TTN: variants seen among roughly 807,000 people sequenced by gnomAD.
TTN encodes titin, also known as connectin.
A neutral mutation model predicts 3,223.0 loss-of-function variants in TTN; 1,525 were observed. That is an observed-to-expected ratio of 0.47 (90% CI 0.45 to 0.49). TTN has a LOEUF of 0.49. TTN is among the 20% of genes least tolerant of loss of function. TTN has a pLI of 0.00. For synonymous variants in TTN, 14,094 were observed against 15,161.0 expected (o/e 0.93, Z 5.17); for missense variants, 40,786 against 43,424.0 (o/e 0.94, Z 5.40).
chr2:178,749,021 A>C (rs746761455), intron 47 of TTN: 1 of 1,612,572 alleles, frequency 6.2e-7, no homozygotes. Flanking sequence ...AAATTCGATA[A>C]TTCTATGCTT....
At chr2:178,779,485 G>A (rs533423265) in intron 22 of TTN, 23 bp from the exon 23 acceptor site, 6 of 1,361,872 alleles carry the variant, frequency 4.4e-6, no homozygotes, top group African/African-American at 4.3e-5. Flanking sequence ...ATTATGGTCT[G>A]TTAAAAATAC....
Position 178,653,277 on chromosome 2 carries a change from A to G in TTN, c.38752T>C (p.Leu12918=), listed in dbSNP as rs762759187. 1.2e-6 allele frequency: 2 copies of G among 1,611,414 alleles called. No homozygotes were observed. The highest frequency in any genetic ancestry group is 4.5e-5 in the East Asian group (2 of 44,738). Residue 12918 remains leucine (L), a synonymous_variant, in exon 198 of 363, where the codon TTG becomes CTG. Coordinates refer to ENST00000589042, the MANE Select transcript of TTN (RefSeq NM_001267550.2). ...KEVVLEKKVP[L]APPKKPEVPP... ...ACTTCAGGCTTTTTAGGAGGAGCCA[A>G]GGGCACTTTCTTTTCAAGGACAACT...
Position 178,775,620 on chromosome 2 carries a change from C to T in TTN, c.6244G>A (p.Glu2082Lys), listed in dbSNP as rs750064248. ...SPSMEAPKIFERIQSQTVGQG... is the reference protein window; with the variant it reads ...SPSMEAPKIFKRIQSQTVGQG... ...CCCACTGTTTGGCTCTGGATTCTTT[C>T]GAAGATTTTTGGAGCCTCCATACTA... Residue 2082 changes from glutamate to lysine, a missense_variant, in exon 28 of 363, where the codon GAA becomes AAA. By Grantham distance (56) the Glu-to-Lys change is moderately conservative. Transcript: ENST00000589042. 1.8e-5 allele frequency: 29 copies of T among 1,613,968 alleles called. No homozygotes were observed. The highest frequency in any genetic ancestry group is 1.6e-4 in the Middle Eastern group (1 of 6,082).
At position 178,734,827 on chromosome 2, in the gene TTN, C is replaced by T. The variant is rs1296327328; in HGVS notation, c.15097G>A (p.Val5033Ile). Residue 5033 changes from valine (V) to isoleucine (I), a missense_variant, in exon 51 of 363, where the codon GTC (valine) becomes ATC (isoleucine). Physicochemically the swap from Val to Ile is conservative, Grantham distance 29 (BLOSUM62 3). Transcript: ENST00000589042. The part of the protein sequence containing the change: ...SESNTVRMYF[V>I]NSEAILDITD... ...ATATCAAGTATAGCCTCAGAATTGA[C>T]AAAATACATTCGGACTGTGTTACTT... 6.2e-7 allele frequency: 1 copy of T among 1,613,778 alleles called. No homozygotes were observed. The highest frequency in any genetic ancestry group is 8.5e-7 in the Non-Finnish European group (1 of 1,179,760).
rs775853593 is a variant in TTN, at chr2:178,665,386, G to A, written c.36034C>T (p.Arg12012Cys). 16 of 1,612,108 alleles carry A rather than the reference G, an allele frequency of 9.9e-6. No homozygotes were observed. Among genetic ancestry groups the A allele is most frequent in the South Asian group, 6.6e-5 (6 of 91,066 alleles). Reference sequence around the variant, plus strand: ...TTCAGAGGTAACGTACTTTTCATACGTGGAGTTTCTGGCTCTTCAGGTACA... The same window carrying A: ...TTCAGAGGTAACGTACTTTTCATACATGGAGTTTCTGGCTCTTCAGGTACA... ...EDVPEEPETP[R>C]MKTPEAPQEI... Residue 12012 changes from arginine to cysteine, a missense_variant, in exon 165 of 363, where the codon CGT becomes TGT. Coordinates refer to ENST00000589042, the MANE Select transcript of TTN (RefSeq NM_001267550.2).
Position 178,756,248 on chromosome 2 carries a change from G to C in TTN, c.11228C>G (p.Thr3743Arg). 6.2e-7 allele frequency: 1 copy of C among 1,612,126 alleles called. No individual in the cohort carries two copies. Among genetic ancestry groups the C allele is most frequent in the Non-Finnish European group, 8.5e-7 (1 of 1,178,472 alleles). The change falls in exon 46 of 363, where the codon ACG (threonine) becomes AGG (arginine). Residue 3743 changes from threonine (T) to arginine (R), a missense_variant. Coordinates refer to ENST00000589042, the MANE Select transcript of TTN (RefSeq NM_001267550.2). The stretch of plus-strand genomic sequence containing the variant: ...ACCTTCTACACTTAGTACTGCTGAC[G>C]TTGTCCTCTCTCCACAGTCATTGTG... Reference protein sequence around the residue: ...IVHNDCGERTTSAVLSVEGAP... With the variant: ...IVHNDCGERTRSAVLSVEGAP...
At chr2:178,640,293 A>G (rs865946138) in intron 221 of TTN, among the ~76,000 whole-genome samples, 183 bp from the exon 222 acceptor site, 5 of 151,994 alleles carry the variant, frequency 3.3e-5, no homozygotes, top group Non-Finnish European at 7.4e-5. Context: ...TAGTAAGGCA[A>G]TGTTCTTGGT....
At chr2:178,628,477 A>T (rs920749097) in intron 240 of TTN, among the ~76,000 whole-genome samples, 4 of 152,092 alleles carry the variant, frequency 2.6e-5, no homozygotes, top group Non-Finnish European at 4.4e-5. Context: ...TTCAAAATTA[A>T]TGATGGATTG....
chr2:178,633,487 G>A lies in TTN; in HGVS notation c.42872C>T (p.Ala14291Val), dbSNP rs746486506. 9 of 1,613,054 alleles carry A rather than the reference G, an allele frequency of 5.6e-6. No individual in the cohort carries two copies. The highest frequency in any genetic ancestry group is 3.3e-5 in the Admixed American group (2 of 59,940). Residue 14291 changes from alanine (A) to valine (V), a missense_variant, in exon 232 of 363, where the codon GCG (alanine) becomes GTG (valine). Coordinates refer to ENST00000589042, the MANE Select transcript of TTN (RefSeq NM_001267550.2). ...ATATTCGCCTTTATCTTTAAGGTCCGCCTTTTTGATTTTTAAGATGCGGCG... is the reference window on the plus strand; with the variant it reads ...ATATTCGCCTTTATCTTTAAGGTCCACCTTTTTGATTTTTAAGATGCGGCG... ...GLRRILKIKK[A>V]DLKDKGEYVC...
At chr2:178,754,918 T>C (rs1244640497) in intron 46 of TTN, among the ~76,000 whole-genome samples, 1 of 152,154 alleles carries the variant, frequency 6.6e-6, no homozygotes, top group Non-Finnish European at 1.5e-5. Context: ...TTCTCTGTAC[T>C]GGGTAGGAAG....
At position 178,748,781 on chromosome 2, in the gene TTN, T is replaced by A. The variant is rs111233204; in HGVS notation, c.11311+4343A>T. On this transcript the variant is annotated intron_variant, in intron 47 of 362. Transcript: ENST00000589042. ...CCTTTCTTGTGCGTCAAATTCTTTATGAGTTTGAGAGGAAAGCAGCTTTAA... is the reference window on the plus strand; with the variant it reads ...CCTTTCTTGTGCGTCAAATTCTTTAAGAGTTTGAGAGGAAAGCAGCTTTAA... 15 of 1,612,440 alleles carry A rather than the reference T, an allele frequency of 9.3e-6. No individual in the cohort carries two copies. Among genetic ancestry groups the A allele is most frequent in the Admixed American group, 8.4e-5 (5 of 59,790 alleles).
chr2:178,799,579 T>C lies in TTN; in HGVS notation c.822A>G (p.Lys274=). 1 of 1,614,204 alleles carries C rather than the reference T, an allele frequency of 6.2e-7. No individual in the cohort carries two copies. Among genetic ancestry groups the C allele is most frequent in the Non-Finnish European group, 8.5e-7 (1 of 1,180,020 alleles). Residue 274 remains lysine, a synonymous_variant, in exon 6 of 363, where the codon AAA becomes AAG. Coordinates refer to ENST00000589042, the MANE Select transcript of TTN (RefSeq NM_001267550.2). ...GGGACTGCTGCCGAGCCAGCTGTGC[T>C]TTGGCAGCAATAGACGGTGGTGTTG... ...RSPTPPSIAA[K]AQLARQQSPS...
Position 178,650,198 on chromosome 2 carries a change from T to C in TTN, c.39783A>G (p.Ala13261=), listed in dbSNP as rs1384714595. Residue 13261 remains alanine, a synonymous_variant, in exon 210 of 363, where the codon GCA becomes GCG. Transcript: ENST00000589042. ...GTGGAACCTCTGGTTCCTCCTCTTCTGCAACAGGAACTGGCTTTTCCTCTT... is the reference window on the plus strand; with the variant it reads ...GTGGAACCTCTGGTTCCTCCTCTTCCGCAACAGGAACTGGCTTTTCCTCTT... ...APEEEKPVPV[A]EEEEPEVPPP... is the part of the protein sequence containing the mutation. The C allele has an allele frequency of 1.3e-6, 2 of 1,595,644 alleles. No individual in the cohort carries two copies. Among genetic ancestry groups the C allele is most frequent in the Non-Finnish European group, 1.7e-6 (2 of 1,169,886 alleles).
At chr2:178,619,224 C>A in intron 250 of TTN, 1 of 356,782 alleles carries the variant, frequency 2.8e-6, no homozygotes, top group South Asian at 3.3e-5. Context: ...GAGAGGTACA[C>A]TAATGGCTTT....
chr2:178,659,560 A>T, intron 180 of TTN, among the ~76,000 whole-genome samples: 1 of 149,844 alleles, frequency 6.7e-6, no homozygotes, highest in South Asian at 2.1e-4. Context: ...AATAAGAGCT[A>T]TTTATGACAA....
At chr2:178,749,176 T>C in intron 47 of TTN, 1 of 1,611,698 alleles carries the variant, frequency 6.2e-7, no homozygotes, top group South Asian at 1.1e-5. Context: ...CTTGTACATT[T>C]TCCTTTTCTG....
rs1410581675 is a variant in TTN, at chr2:178,779,444, AG to A, written c.3747del (p.Phe1250LeufsTer13). On this transcript the variant is annotated frameshift_variant, in exon 23 of 363. Transcript: ENST00000589042. LOFTEE classifies it high-confidence loss of function. ...ATTTCTTTAATAAGTCTCTCTTCAA[AG>A]GAAGAAATATGGAATTCCTATGCAA... Reference protein sequence around the residue: ...YVEDQEFHISSFEERLIKEIE... With the variant: ...YVEDQEFHISXFEERLIKEIE... The A allele has an allele frequency of 6.5e-7, 1 of 1,547,822 alleles. No individual in the cohort carries two copies. Among genetic ancestry groups the A allele is most frequent in the Non-Finnish European group, 8.9e-7 (1 of 1,123,870 alleles).
rs903878603 is a variant in TTN, at chr2:178,619,900, T to C, written c.46430-13A>G. 1.2e-6 allele frequency: 2 copies of C among 1,603,904 alleles called. No individual in the cohort carries two copies. Among genetic ancestry groups the C allele is most frequent in the African/African-American group, 1.3e-5 (1 of 74,136 alleles). Reference sequence around the variant, plus strand: ...TCAACAGGAATTTCTGGAAAGAAAATGTGAAATAAATACAAATATGTTTAC... The same window carrying C: ...TCAACAGGAATTTCTGGAAAGAAAACGTGAAATAAATACAAATATGTTTAC... On this transcript the variant is annotated splice_polypyrimidine_tract_variant and intron_variant, in intron 249 of 362. Transcript: ENST00000589042.
In TTN at chr2:178,776,195, C is replaced by T. The variant is rs370027329; in HGVS notation, c.5669G>A (p.Arg1890His). ...LIRKSKRFRVRYDGIHYLDIV... is the reference protein window; with the variant it reads ...LIRKSKRFRVHYDGIHYLDIV... The stretch of plus-strand genomic sequence containing the variant: ...GTCCAGGTAATGGATACCATCATAG[C>T]GAACTCTGAACCTTTTGCTTTTGCG... Residue 1890 changes from arginine to histidine, a missense_variant, in exon 28 of 363, where the codon CGC (arginine) becomes CAC (histidine). Arg to His is a conservative substitution (Grantham distance 29). Transcript: ENST00000589042. 12 of 1,614,016 alleles carry T rather than the reference C, an allele frequency of 7.4e-6. No individual in the cohort carries two copies. The highest frequency in any genetic ancestry group is 4.5e-5 in the East Asian group (2 of 44,900).
Sources: gnomAD v4.1 joint callset for allele counts (sites outside exome capture counted in the v4.1 genomes callset) on GRCh38, gnomAD v4.1.1 for gene constraint, MANE v1.5 for transcripts, NCBI Gene and HGNC (gene_info 2026-07-23, HGNC 2026-07-21) for gene names.